The following AACS variants were observed in gnomAD, a reference collection of about 807,000 sequenced individuals.
AACS encodes the protein acetoacetyl-CoA synthetase.
Under a neutral mutation model 83.1 loss-of-function variants are expected in AACS, and 69 were observed. That is an observed-to-expected ratio of 0.83 (90% confidence interval 0.68 to 1.01). The LOEUF is 1.01. Among genes scored for constraint, AACS ranks in the 50% least tolerant of loss-of-function variants. The pLI, the probability that AACS is intolerant of heterozygous loss-of-function variation, is 0.00. For synonymous variants in AACS, 333 were observed against 343.4 expected (o/e 0.97, Z 0.33); for missense variants, 866 against 882.2 (o/e 0.98, Z 0.23).
rs191222630 is a variant in AACS at position 125,099,273 on chromosome 12, G to A, written c.571-3406G>A. The stretch of plus-strand genomic sequence containing the variant: ...TTCTCCGACTTCTGTAATGGTTTAC[G>A]CAGAAGGGATGCTGTAGCTTACAGA... On this transcript the variant is annotated intron_variant, in intron 5 of 17. Transcript: ENST00000316519. 2.1e-3 allele frequency among the ~76,000 whole-genome samples: 314 copies of A among 152,292 alleles called. 3 individuals are homozygous for A. The highest frequency in any genetic ancestry group is 7.2e-3 in the African/African-American group (301 of 41,562).
At position 125,128,275 on chromosome 12, in the gene AACS, G is replaced by A. The variant is rs369906266; in HGVS notation, c.1423+1G>A. On this transcript the variant is annotated splice_donor_variant, in intron 13 of 17. Coordinates refer to ENST00000316519, the MANE Select transcript of AACS (RefSeq NM_023928.5). LOFTEE classifies it high-confidence loss of function. ...GCCGTGGAAGCGTGGAACGAGGAAG[G>A]TGATGGCTCCACCAACTGTTTCTTT... The A allele has an allele frequency of 5.0e-5, 80 of 1,610,380 alleles. No individual in the cohort carries two copies. Among genetic ancestry groups the A allele is most frequent in the Non-Finnish European group, 6.6e-5 (78 of 1,177,394 alleles).
chr12:125,138,173 G>T, intron 17 of AACS: 1 of 151,724 alleles, frequency 6.6e-6, no homozygotes, highest in Non-Finnish European at 1.5e-5. Context: ...GTCCACATCT[G>T]CGCTGACTCC....
chr12:125,071,921 G>C (rs947440630), intron 1 of AACS, among the ~76,000 whole-genome samples: 25 of 152,096 alleles, frequency 1.6e-4, no homozygotes, highest in African/African-American at 5.6e-4. Context: ...GCAGTGGCAC[G>C]ATCTCGGCTC....
At position 125,086,351 on chromosome 12, in the gene AACS, T is replaced by A; in HGVS notation, c.380T>A (p.Val127Glu). 1 of 1,614,210 alleles carries A rather than the reference T, an allele frequency of 6.2e-7. No homozygotes were observed. The highest frequency in any genetic ancestry group is 8.5e-7 in the Non-Finnish European group (1 of 1,180,038). ...YIAREGKEEI[V>E]KVTFEELRQE... Reference sequence around the variant, plus strand: ...CCAGGGGAAGGCAAAGAGGAAATTGTGAAGGTGACTTTTGAAGAGCTGAGG... The same window carrying A: ...CCAGGGGAAGGCAAAGAGGAAATTGAGAAGGTGACTTTTGAAGAGCTGAGG... The change falls in exon 4 of 18, where the codon GTG becomes GAG. Residue 127 changes from valine (V) to glutamate (E), a missense_variant. By Grantham distance (121) the Val-to-Glu change is moderately radical. Transcript: ENST00000316519.
intron 3 of AACS, among the ~76,000 whole-genome samples, chr12:125,082,161 G>A (rs917296591): frequency 7.9e-5 from 10 of 127,308 alleles, no homozygotes; most frequent in African/African-American, 2.4e-4. Context: ...GAGCCACTGC[G>A]CCCAGCCTGA....
At chr12:125,086,485 C>A (rs754454668) in intron 4 of AACS, 42 bp downstream of exon 4, 2 of 1,575,756 alleles carry the variant, frequency 1.3e-6, no homozygotes, top group South Asian at 2.2e-5. Context: ...GGGAGGAGAC[C>A]AAGGTAGAAT....
intron 2 of AACS, among the ~76,000 whole-genome samples, chr12:125,074,407 C>T (rs1340698382): frequency 6.6e-5 from 10 of 151,696 alleles, no homozygotes; most frequent in African/African-American, 1.5e-4. Flanking sequence ...ATTAGCTGGT[C>T]GTGGTGGTGC....
At chr12:125,088,224 CTTTTTTTT>C (rs57107480) in intron 4 of AACS, among the ~76,000 whole-genome samples, 2 of 131,478 alleles carry the variant, frequency 1.5e-5, no homozygotes, top group African/African-American at 2.8e-5. Flanking sequence ...TCAGAGCAGA[CTTTTTTTT>C]TTTTTTTTTT....
Position 125,085,264 on chromosome 12 carries a change from C to T in AACS, c.359-1066C>T, listed in dbSNP as rs148194143. Reference sequence around the variant, plus strand: ...ACCACACATATGCACATTGCATCCACGTCTGTTTCCTGGAACCACGCACAC... The same window carrying T: ...ACCACACATATGCACATTGCATCCATGTCTGTTTCCTGGAACCACGCACAC... On this transcript the variant is annotated intron_variant, in intron 3 of 17. Coordinates refer to ENST00000316519, the MANE Select transcript of AACS (RefSeq NM_023928.5). Among the ~76,000 whole-genome samples the T allele has an allele frequency of 3.1e-3, 473 of 152,322 alleles. 2 individuals are homozygous for T. Among genetic ancestry groups the T allele is most frequent in the Middle Eastern group, 0.01 (3 of 294 alleles).
At chr12:125,089,846 T>TATCC (rs973263730) in intron 4 of AACS, among the ~76,000 whole-genome samples, 7 of 116,780 alleles carry the variant, frequency 6.0e-5, no homozygotes, top group Non-Finnish European at 9.2e-5. Flanking sequence ...CACCATCATT[T>TATCC]ATCCATCCAT....
chr12:125,110,588 TCC>T (rs1956934352), intron 8 of AACS, among the ~76,000 whole-genome samples: 1 of 152,104 alleles, frequency 6.6e-6, no homozygotes, highest in Non-Finnish European at 1.5e-5. Flanking sequence ...ATAGCTCATT[TCC>T]CCATTTCCCT....
chr12:125,137,154 TGA>T (rs1227376146), intron 17 of AACS, among the ~76,000 whole-genome samples: 1 of 152,242 alleles, frequency 6.6e-6, no homozygotes, highest in African/African-American at 2.4e-5. Flanking sequence ...AAATTTTTAA[TGA>T]GAACATTAAT....
rs1489586633 is a variant in AACS at position 125,075,508 on chromosome 12, T to C, written c.238-983T>C. 2.0e-5 allele frequency among the ~76,000 whole-genome samples: 3 copies of C among 151,430 alleles called. No individual in the cohort carries two copies. The East Asian group carries it at 5.8e-4, about 29-fold the overall frequency. Reference sequence around the variant, plus strand: ...GGTTTCACCATGTTGGCCAGGCTGGTCTTAAACTCCTGACCTCAGGTGATC... The same window carrying C: ...GGTTTCACCATGTTGGCCAGGCTGGCCTTAAACTCCTGACCTCAGGTGATC... On this transcript the variant is annotated intron_variant, in intron 2 of 17. Transcript: ENST00000316519.
At chr12:125,093,357 G>A (rs1188391896) in intron 5 of AACS, among the ~76,000 whole-genome samples, 1 of 152,240 alleles carries the variant, frequency 6.6e-6, no homozygotes, top group Non-Finnish European at 1.5e-5. Flanking sequence ...CTCTGACTCT[G>A]CATGGCTGCA....
At chr12:125,072,193 G>A (rs897619654) in intron 1 of AACS, among the ~76,000 whole-genome samples, 3 of 139,426 alleles carry the variant, frequency 2.2e-5, no homozygotes, top group African/African-American at 8.0e-5. Flanking sequence ...TCACTCTGTC[G>A]CCCACCCAGG....
At chr12:125,067,252 C>G (rs1035089156) in intron 1 of AACS, among the ~76,000 whole-genome samples, 1 of 152,082 alleles carries the variant, frequency 6.6e-6, no homozygotes, top group Non-Finnish European at 1.5e-5. Flanking sequence ...GTCTGTTGCC[C>G]CAGGGGCTTC....
intron 15 of AACS, 137 bp downstream of exon 15, chr12:125,134,209 C>T (rs1957368013): frequency 1.2e-6 from 1 of 839,362 alleles, no homozygotes; most frequent in Non-Finnish European, 1.8e-6. Context: ...CCAGGGTGTC[C>T]ACACCACCCA....
At chr12:125,137,461 C>T (rs950890292) in intron 17 of AACS, among the ~76,000 whole-genome samples, 3 of 152,370 alleles carry the variant, frequency 2.0e-5, no homozygotes, top group East Asian at 1.9e-4. Context: ...GGATTACAGG[C>T]GTAAGCCACT....
intron 17 of AACS, chr12:125,138,967 G>A (rs915984922): frequency 3.9e-5 from 6 of 152,270 alleles, no homozygotes; most frequent in African/African-American, 1.4e-4. Flanking sequence ...AAGTCCCGGG[G>A]CCTTGCTGAG....
Sources: gnomAD v4.1 joint callset for allele counts (sites outside exome capture counted in the v4.1 genomes callset) on GRCh38, gnomAD v4.1.1 for gene constraint, MANE v1.5 for transcripts, NCBI Gene and HGNC (gene_info 2026-07-23, HGNC 2026-07-21) for gene names.